ERBB2: variants seen among roughly 807,000 people sequenced by gnomAD.
ERBB2 encodes receptor tyrosine-protein kinase erbB-2.
A neutral mutation model predicts 149.0 loss-of-function variants in ERBB2; 61 were observed. The observed-to-expected ratio is 0.41, with a 90% CI of 0.33 to 0.51. The LOEUF (loss-of-function observed/expected upper bound fraction) is 0.51. Ranked by LOEUF, ERBB2 falls within the 20% of genes least tolerant of loss-of-function variation. The pLI is 0.25. For synonymous variants in ERBB2, 633 were observed against 678.8 expected, an observed-to-expected ratio of 0.93 and a Z score of 1.05; for missense variants, 1,205 against 1,655.1, an observed-to-expected ratio of 0.73 and a Z score of 4.72.
intron 15 of ERBB2, among the ~76,000 whole-genome samples, chr17:39,718,426 T>C (rs1466060442): frequency 6.6e-6 from 1 of 152,248 alleles, no homozygotes; most frequent in African/African-American, 2.4e-5. Flanking sequence ...CCTTCCAGGC[T>C]CTTTTCTGCA....
chr17:39,699,736 A>G (rs1597849859), upstream of ERBB2: 2 of 672,644 alleles, frequency 3.0e-6, no homozygotes, highest in African/African-American at 1.8e-5. Flanking sequence ...GAGACTTAAA[A>G]GGGTGTTAAG....
intron 8 of ERBB2, 78 bp from the exon 9 acceptor site, chr17:39,712,244 T>C: frequency 6.3e-7 from 1 of 1,593,964 alleles, no homozygotes. Flanking sequence ...GCCCGGACCC[T>C]GATGCTCATG....
In ERBB2 at chr17:39,704,559, G is replaced by A. The variant is rs187519166; in HGVS notation, c.74-2431G>A. On this transcript the variant is annotated intron_variant, in intron 1 of 26. Transcript: ENST00000269571. ...CTGCACTCCAGCCTGGCGACAGGGC[G>A]AGACTCCATCTCAAAAAAAGAAAAC... 9.1e-3 allele frequency among the ~76,000 whole-genome samples: 1,378 copies of A among 152,222 alleles called. 72 individuals carry two copies. The highest frequency in any genetic ancestry group is 0.084 in the Admixed American group (1,277 of 15,272).
At position 39,707,148 on chromosome 17, in the gene ERBB2, C is replaced by T. The variant is rs1448240407; in HGVS notation, c.225+7C>T. ...CAGCCTGTCCTTCCTGCAGGTGAGG[C>T]CCGTGGGCAACCCAGCCAGGCCCTG... On this transcript the variant is annotated splice_region_variant and intron_variant, in intron 2 of 26. Coordinates refer to ENST00000269571, the MANE Select transcript of ERBB2 (RefSeq NM_004448.4). The T allele has an allele frequency of 2.6e-6, 4 of 1,555,528 alleles. No individual in the cohort carries two copies. Among genetic ancestry groups the T allele is most frequent in the Non-Finnish European group, 3.5e-6 (4 of 1,147,518 alleles).
upstream of ERBB2, among the ~76,000 whole-genome samples, chr17:39,694,459 C>G (rs969346392): frequency 2.7e-5 from 4 of 150,452 alleles, no homozygotes; most frequent in Non-Finnish European, 5.9e-5. Context: ...GGTGCTTTAG[C>G]CCAAAGGAGA....
chr17:39,708,171 A>G (rs2058569441), intron 2 of ERBB2, 150 bp from the exon 3 acceptor site: 8 of 593,474 alleles, frequency 1.3e-5, no homozygotes, highest in Non-Finnish European at 2.4e-5. Context: ...CGTGATCTTT[A>G]TCTCTATTTT....
upstream of ERBB2, among the ~76,000 whole-genome samples, chr17:39,691,108 G>A (rs1468003223): frequency 6.6e-6 from 1 of 151,952 alleles, no homozygotes; most frequent in East Asian, 1.9e-4. Context: ...ATCAAAATTG[G>A]TAGAGAGTCT....
chr17:39,713,527 G>C (rs1310184887), intron 9 of ERBB2, among the ~76,000 whole-genome samples: 2 of 151,224 alleles, frequency 1.3e-5, no homozygotes, highest in Non-Finnish European at 2.9e-5. Flanking sequence ...GAGGCAGGCA[G>C]ATCACTTGAG....
At chr17:39,708,241 C>T in intron 2 of ERBB2, 80 bp from the exon 3 acceptor site, 3 of 1,118,010 alleles carry the variant, frequency 2.7e-6, no homozygotes, top group Non-Finnish European at 2.6e-6. Context: ...CCCAAGATCT[C>T]CAAGTACTGG....
chr17:39,708,281 A>G (rs751134601), intron 2 of ERBB2, 40 bp from the exon 3 acceptor site: 17 of 1,552,030 alleles, frequency 1.1e-5, no homozygotes, highest in Non-Finnish European at 1.5e-5. Flanking sequence ...GGGGGGTGGC[A>G]GTGTTCCTAT....
At chr17:39,694,258 T>TATGTGTATATATATATATATAC (rs2057796817), upstream of ERBB2, among the ~76,000 whole-genome samples, 1 of 19,046 alleles carries the variant, frequency 5.3e-5, no homozygotes, top group African/African-American at 1.2e-4. Context: ...TATATATATA[T>TATGTGTATATATATATATATAC]ATATATATAT....
chr17:39,699,902 G>A (rs1397146729), upstream of ERBB2: 1 of 829,220 alleles, frequency 1.2e-6, no homozygotes, highest in African/African-American at 1.7e-5. Flanking sequence ...TGCGCGAAGA[G>A]AGGGAGAAAG....
At chr17:39,708,589 C>A in intron 3 of ERBB2, 55 bp downstream of exon 3, 1 of 1,380,302 alleles carries the variant, frequency 7.2e-7, no homozygotes, top group Non-Finnish European at 1.0e-6. Flanking sequence ...TGACCAGGGC[C>A]ACTGCTAACC....
In ERBB2 at chr17:39,711,909, A is replaced by G. The variant is rs966345580; in HGVS notation, c.902-19A>G. 10 of 1,613,832 alleles carry G rather than the reference A, an allele frequency of 6.2e-6. No homozygotes were observed. The African/African-American group carries it at 9.3e-5, about 15-fold the overall frequency. On this transcript the variant is annotated intron_variant, in intron 7 of 26. Coordinates refer to ENST00000269571, the MANE Select transcript of ERBB2 (RefSeq NM_004448.4). ...ACGAAGGGCCAGGGTATGTGGCTAC[A>G]TGTTCCTGATCTCCTTAGACAACTA...
intron 9 of ERBB2, 110 bp downstream of exon 9, chr17:39,712,558 A>G: frequency 7.5e-7 from 1 of 1,326,648 alleles, no homozygotes; most frequent in Non-Finnish European, 1.0e-6. Context: ...GGGGGGATCA[A>G]GAATGCAAAG....
rs2145869741 is a variant in ERBB2, at chr17:39,725,233, G to A, written c.2649+29G>A. ...AGGTGAAGGACCAAGGAGCAGAGGA[G>A]GCTGGGTGGAGTGGTGTCTAGCCCA... is the stretch of plus-strand genomic sequence containing the variant. On this transcript the variant is annotated intron_variant, in intron 21 of 26. Coordinates refer to ENST00000269571, the MANE Select transcript of ERBB2 (RefSeq NM_004448.4). This position sits in a 1 kb window ranked among gnomAD's most constrained non-coding sequence, Gnocchi z 4.6. 2 of 1,614,092 alleles carry A rather than the reference G, an allele frequency of 1.2e-6. No homozygotes were observed. Among genetic ancestry groups the A allele is most frequent in the Non-Finnish European group, 8.5e-7 (1 of 1,179,964 alleles).
At chr17:39,707,297 C>A in intron 2 of ERBB2, 156 bp downstream of exon 2, 1 of 593,076 alleles carries the variant, frequency 1.7e-6, no homozygotes, top group Non-Finnish European at 2.8e-6. Flanking sequence ...AACCCCCATT[C>A]ATTTTACTGC....
At chr17:39,694,274 T>C (rs1249952612), upstream of ERBB2, among the ~76,000 whole-genome samples, 2 of 47,936 alleles carry the variant, frequency 4.2e-5, no homozygotes, top group Non-Finnish European at 9.5e-5. Context: ...TATATGTGTG[T>C]ATATATATAT....
At chr17:39,697,052 G>C (rs979681929), upstream of ERBB2, among the ~76,000 whole-genome samples, 5 of 152,166 alleles carry the variant, frequency 3.3e-5, no homozygotes, top group Admixed American at 1.3e-4. Flanking sequence ...ATGATGGGGT[G>C]AGAGTAAGGG....
Sources: allele counts gnomAD v4.1 joint callset (sites outside exome capture counted in the v4.1 genomes callset), GRCh38; gene constraint gnomAD v4.1.1; non-coding constraint Gnocchi (gnomAD v3.1); transcripts MANE v1.5; gene names NCBI Gene and HGNC (gene_info 2026-07-23, HGNC 2026-07-21).